The following MYO1E variants were observed in gnomAD, a reference collection of about 807,000 sequenced individuals.
The protein encoded by MYO1E is unconventional myosin-Ie.
In MYO1E, 68 loss-of-function variants were observed where a neutral mutation model predicts 151.1. The ratio of observed to expected loss-of-function variants is 0.45; its 90% confidence interval spans 0.37 to 0.55. MYO1E has a LOEUF of 0.55. Among genes scored for constraint, MYO1E ranks in the 20% least tolerant of loss-of-function variants. The pLI is 0.00. For missense variants in MYO1E, 1,363 were observed against 1,389.3 expected (o/e 0.98, Z 0.30); for synonymous variants, 601 against 501.7 (o/e 1.20, Z -2.64).
chr15:59,140,986 T>A (rs186396141), intron 26 of MYO1E, among the ~76,000 whole-genome samples: 1 of 152,198 alleles, frequency 6.6e-6, no homozygotes, highest in African/African-American at 2.4e-5. Context: ...GAAATCCCCA[T>A]TCCCTGTTCA....
chr15:59,347,830 A>C (rs751103279), intron 1 of MYO1E, among the ~76,000 whole-genome samples: 7 of 152,182 alleles, frequency 4.6e-5, no homozygotes, highest in Non-Finnish European at 1.0e-4. Context: ...GGGTGACATA[A>C]GGAGCTAAAA....
At chr15:59,276,656 CCTGG>C (rs1410230379) in intron 1 of MYO1E, among the ~76,000 whole-genome samples, 3 of 152,172 alleles carry the variant, frequency 2.0e-5, no homozygotes, top group African/African-American at 2.4e-5. Flanking sequence ...CACATAATAG[CCTGG>C]TTTGTTGCTA....
At chr15:59,183,836 T>A (rs1262069836) in intron 18 of MYO1E, among the ~76,000 whole-genome samples, 4 of 152,142 alleles carry the variant, frequency 2.6e-5, no homozygotes, top group Admixed American at 6.6e-5. Context: ...CTTCCCCCAC[T>A]ACCCTTCCCA....
Position 59,310,704 on chromosome 15 carries a change from A to G in MYO1E, c.4-38255T>C, listed in dbSNP as rs1165771830. ...CCAGTTCATAGCAATTTGTTAAGGC[A>G]GCCCTAGGAAATGAATTATAGTATC... On this transcript the variant is annotated intron_variant, in intron 1 of 27. Coordinates refer to ENST00000288235, the MANE Select transcript of MYO1E (RefSeq NM_004998.4). Among the ~76,000 whole-genome samples the G allele has an allele frequency of 2.0e-5, 3 of 152,100 alleles. No individual in the cohort carries two copies. In the East Asian group the frequency reaches 5.8e-4, roughly 29 times the overall value.
intron 26 of MYO1E, among the ~76,000 whole-genome samples, chr15:59,141,797 CAA>C (rs753344067): frequency 1.2e-3 from 54 of 44,924 alleles, no homozygotes; most frequent in South Asian, 9.9e-3. Flanking sequence ...GACTTTGTCT[CAA>C]AAAAAAAAAA....
chr15:59,263,346 C>T (rs1255941034), intron 2 of MYO1E, among the ~76,000 whole-genome samples: 2 of 152,214 alleles, frequency 1.3e-5, no homozygotes, highest in Non-Finnish European at 2.9e-5. Context: ...ACTGTGAGCA[C>T]AGCACATAGT....
In MYO1E at chr15:59,365,854, A is replaced by G. The variant is rs568091007; in HGVS notation, c.3+6644T>C. 3.9e-4 allele frequency among the ~76,000 whole-genome samples: 59 copies of G among 152,336 alleles called. No homozygotes were observed. In the South Asian group the frequency reaches 0.012, roughly 31 times the overall value. ...CTAATTGTTCCGCCTTTGAGGCACA[A>G]TGTAACTTCTGGAAACACCTGAGAG... is the stretch of plus-strand genomic sequence containing the variant. On this transcript the variant is annotated intron_variant, in intron 1 of 27. Coordinates refer to ENST00000288235, the MANE Select transcript of MYO1E (RefSeq NM_004998.4).
intron 1 of MYO1E, among the ~76,000 whole-genome samples, chr15:59,274,351 G>A (rs766539520): frequency 7.9e-5 from 12 of 152,124 alleles, no homozygotes; most frequent in African/African-American, 1.2e-4. Flanking sequence ...AGAGAAAAAA[G>A]CACTGGCCAC....
chr15:59,319,550 C>CTTTTTTTTTTTTT lies in MYO1E; in HGVS notation c.4-47114_4-47102dup, dbSNP rs59491381. Among the ~76,000 whole-genome samples, 97 of 63,706 alleles carry CTTTTTTTTTTTTT rather than the reference C, an allele frequency of 1.5e-3. 6 individuals carry two copies. The highest frequency in any genetic ancestry group is 2.3e-3 in the African/African-American group (52 of 22,398). 41.8% of individuals were successfully genotyped at this position (63,706 alleles called of 152,430 possible). A position where few individuals can be genotyped will look rare whatever the true frequency, so the allele number is the denominator to read the frequency against. On this transcript the variant is annotated intron_variant, in intron 1 of 27. Coordinates refer to ENST00000288235, the MANE Select transcript of MYO1E (RefSeq NM_004998.4). ...AAGATAGGAAAAGAAGTCAAACTAC[C>CTTTTTTTTTTTTT]TTTTTTTTTTTTTTTTTTTTTTTTT...
intron 23 of MYO1E, among the ~76,000 whole-genome samples, chr15:59,161,611 C>A (rs1260726985): frequency 6.6e-6 from 1 of 152,180 alleles, no homozygotes; most frequent in Non-Finnish European, 1.5e-5. Flanking sequence ...GTCCCTGATT[C>A]TGTGCTTGTG....
At position 59,207,715 on chromosome 15, in the gene MYO1E, C is replaced by T. The variant is rs35212259; in HGVS notation, c.1530+966G>A. On this transcript the variant is annotated intron_variant, in intron 14 of 27. Transcript: ENST00000288235. Reference sequence around the variant, plus strand: ...GAGTGGAGTGAACATAGCTGGTGTCCCTTTGAAGGATCTGAACTCTGATAT... The same window carrying T: ...GAGTGGAGTGAACATAGCTGGTGTCTCTTTGAAGGATCTGAACTCTGATAT... 2,187 of 1,614,004 alleles carry T rather than the reference C, an allele frequency of 1.4e-3. 22 individuals carry two copies. In the African/African-American group the frequency reaches 0.026, roughly 19 times the overall value.
At chr15:59,325,177 A>G (rs2080655924) in intron 1 of MYO1E, among the ~76,000 whole-genome samples, 1 of 152,070 alleles carries the variant, frequency 6.6e-6, no homozygotes, top group South Asian at 2.1e-4. Context: ...CTGTGACTAC[A>G]GGCGCCCGTC....
At position 59,209,815 on chromosome 15, in the gene MYO1E, C is replaced by CTTTTTTTTTTTT. The variant is rs71119441; in HGVS notation, c.1362+687_1362+698dup. ...CTGTATCACTTTTATTTTGAATCAC[C>CTTTTTTTTTTTT]TTTTTTTTTTTTTTTTTTTTTTTTT... On this transcript the variant is annotated intron_variant, in intron 13 of 27. Coordinates refer to ENST00000288235, the MANE Select transcript of MYO1E (RefSeq NM_004998.4). 9.2e-3 allele frequency among the ~76,000 whole-genome samples: 460 copies of CTTTTTTTTTTTT among 49,894 alleles called. 49 individuals carry two copies. The highest frequency in any genetic ancestry group is 0.016 in the Admixed American group (58 of 3,572). The allele number at this position is 49,894 out of a possible 152,430, so 32.7% of individuals were successfully genotyped here.
At chr15:59,253,000 C>A (rs1472299802) in intron 4 of MYO1E, among the ~76,000 whole-genome samples, 1 of 152,246 alleles carries the variant, frequency 6.6e-6, no homozygotes, top group East Asian at 1.9e-4. Flanking sequence ...AGGAAACCAA[C>A]AGAGCCTACT....
intron 18 of MYO1E, among the ~76,000 whole-genome samples, chr15:59,186,391 T>C (rs780287221): frequency 3.3e-4 from 45 of 137,562 alleles, no homozygotes; most frequent in Non-Finnish European, 5.9e-4. Context: ...TTCAGTTATA[T>C]ACAATCTGAA....
At chr15:59,149,024 T>C (rs1596341748) in intron 26 of MYO1E, among the ~76,000 whole-genome samples, 1 of 147,922 alleles carries the variant, frequency 6.8e-6, no homozygotes, top group Non-Finnish European at 1.5e-5. Flanking sequence ...AGAGCAAAGG[T>C]GGGTGGATGA....
intron 15 of MYO1E, among the ~76,000 whole-genome samples, chr15:59,203,783 T>C (rs2140335106): frequency 6.6e-6 from 1 of 152,372 alleles, no homozygotes; most frequent in Non-Finnish European, 1.5e-5. Flanking sequence ...CCCTGGTGTC[T>C]GAAGCATAGC....
intron 1 of MYO1E, among the ~76,000 whole-genome samples, chr15:59,344,078 A>G (rs6494100): frequency 1 from 152,121 of 152,302 alleles, 75,970 homozygotes; most frequent in Non-Finnish European, 1. Flanking sequence ...ATATTCATGG[A>G]TGTCTAGGCA....
intron 14 of MYO1E, chr15:59,206,865 C>A: frequency 6.8e-7 from 1 of 1,460,048 alleles, no homozygotes; most frequent in Admixed American, 2.1e-5. Flanking sequence ...GTCCTGCCAA[C>A]GGCTCTCTTG....
Sources: allele counts gnomAD v4.1 joint callset (sites outside exome capture counted in the v4.1 genomes callset), GRCh38; gene constraint gnomAD v4.1.1; transcripts MANE v1.5; gene names NCBI Gene and HGNC (gene_info 2026-07-23, HGNC 2026-07-21).